The following RAB3GAP2 variants were observed in gnomAD, a reference collection of about 807,000 sequenced individuals.
RAB3GAP2 encodes the protein rab3 GTPase-activating protein non-catalytic subunit.
Under a neutral mutation model 185.3 loss-of-function variants are expected in RAB3GAP2, and 87 were observed. The observed-to-expected ratio is 0.47, with a 90% CI of 0.39 to 0.56. The LOEUF (loss-of-function observed/expected upper bound fraction) is 0.56, where lower values mean the gene tolerates loss of function less well. Ranked by LOEUF, RAB3GAP2 falls within the 20% of genes least tolerant of loss-of-function variation. The probability of loss-of-function intolerance (pLI) is 0.00; values close to 1 mark genes in which losing one functional copy is unlikely to be tolerated. For synonymous variants in RAB3GAP2, 554 were observed against 576.1 expected (o/e 0.96, Z 0.55); for missense variants, 1,492 against 1,638.2 (o/e 0.91, Z 1.54).
chr1:220,266,680 A>C, intron 1 of RAB3GAP2: 1 of 1,547,776 alleles, frequency 6.5e-7, no homozygotes, highest in Non-Finnish European at 8.9e-7. Flanking sequence ...CCCTGGCTCA[A>C]GGATTTCTCC....
rs1658088089 is a variant in RAB3GAP2 at position 220,167,347 on chromosome 1, G to A, written c.3033C>T (p.Val1011=). The A allele has an allele frequency of 1.9e-6, 3 of 1,614,068 alleles. No individual in the cohort carries two copies. Among genetic ancestry groups the A allele is most frequent in the East Asian group, 2.2e-5 (1 of 44,896 alleles). The change falls in exon 26 of 35, where the codon GTC becomes GTT. Residue 1011 remains valine, a synonymous_variant. Coordinates refer to ENST00000358951, the MANE Select transcript of RAB3GAP2 (RefSeq NM_012414.4). ...ACTCCCAGCAGCAATGTGCATGCAAGACATCGAGCTCAAGGCTACAAGGAA... is the reference window on the plus strand; with the variant it reads ...ACTCCCAGCAGCAATGTGCATGCAAAACATCGAGCTCAAGGCTACAAGGAA... ...EQFPCSLELD[V]LHAHCCWEYV... is the part of the protein sequence containing the mutation.
chr1:220,253,746 G>A (rs2102525397), intron 1 of RAB3GAP2: 7 of 1,611,748 alleles, frequency 4.3e-6, no homozygotes, highest in Non-Finnish European at 5.1e-6. Context: ...GGGTTCCGGA[G>A]AGCAGAGTAC....
chr1:220,245,551 A>G (rs546969103), intron 1 of RAB3GAP2, among the ~76,000 whole-genome samples: 3,046 of 152,254 alleles, frequency 0.02, 102 homozygotes, highest in African/African-American at 0.07. Context: ...CTAGCACAGC[A>G]GTCTGAGATC....
intron 21 of RAB3GAP2, among the ~76,000 whole-genome samples, chr1:220,179,074 A>G (rs1279847070): frequency 6.6e-6 from 1 of 152,132 alleles, no homozygotes; most frequent in African/African-American, 2.4e-5. Flanking sequence ...ACCAAAAAAG[A>G]GCAGGAGAAG....
At position 220,202,208 on chromosome 1, in the gene RAB3GAP2, T is replaced by C. The variant is rs546606748; in HGVS notation, c.811+68A>G. ...ATAAAGAATAAATGCCCATTTCTAA[T>C]AAATGAGATACTTCAATAAAAAGTG... On this transcript the variant is annotated intron_variant, in intron 9 of 34. Transcript: ENST00000358951. 5 of 1,501,580 alleles carry C rather than the reference T, an allele frequency of 3.3e-6. No individual in the cohort carries two copies. The African/African-American group carries it at 5.6e-5, about 17-fold the overall frequency. The allele number at this position is 1,501,580 out of a possible 1,614,324, so 93.0% of individuals were successfully genotyped here.
chr1:220,170,619 T>C (rs961759416), intron 24 of RAB3GAP2, among the ~76,000 whole-genome samples: 9 of 151,974 alleles, frequency 5.9e-5, no homozygotes, highest in African/African-American at 2.2e-4. Flanking sequence ...GACATGTAGG[T>C]GAAAAAAGGA....
At chr1:220,206,069 A>G (rs1482379802) in intron 7 of RAB3GAP2, 63 bp from the exon 8 acceptor site, 4 of 1,061,160 alleles carry the variant, frequency 3.8e-6, no homozygotes, top group Non-Finnish European at 5.6e-6. Context: ...ACTTTTTATT[A>G]TACTGAATTT....
intron 2 of RAB3GAP2, among the ~76,000 whole-genome samples, chr1:220,232,454 C>T (rs1406777252): frequency 2.0e-5 from 3 of 152,192 alleles, no homozygotes; most frequent in African/African-American, 7.2e-5. Flanking sequence ...GGTCCTATCA[C>T]CTTCACCGTA....
intron 2 of RAB3GAP2, among the ~76,000 whole-genome samples, chr1:220,227,259 G>A (rs1023569908): frequency 5.3e-5 from 8 of 152,024 alleles, no homozygotes; most frequent in Non-Finnish European, 1.0e-4. Context: ...AGTTGGCTAC[G>A]GCCGATAGTG....
chr1:220,210,495 AG>A lies in RAB3GAP2; in HGVS notation c.511-7del. On this transcript the variant is annotated splice_region_variant and splice_polypyrimidine_tract_variant and intron_variant, in intron 6 of 34. Transcript: ENST00000358951. ...GCAAGCAAGAGCACACCATTCTAGG[AG>A]GAAGCACAGAGAAGGGCCCTGCTTG... 6.2e-7 allele frequency: 1 copy of A among 1,608,386 alleles called. No homozygotes were observed. The highest frequency in any genetic ancestry group is 8.5e-7 in the Non-Finnish European group (1 of 1,174,738).
intron 1 of RAB3GAP2, among the ~76,000 whole-genome samples, chr1:220,234,826 AGG>A (rs1001043329): frequency 2.0e-5 from 3 of 152,230 alleles, no homozygotes; most frequent in African/African-American, 7.2e-5. Flanking sequence ...GTAGCTAGAA[AGG>A]CTAGGGGAAA....
intron 21 of RAB3GAP2, among the ~76,000 whole-genome samples, chr1:220,179,244 C>CAA (rs71169437): frequency 0.07 from 3,903 of 55,886 alleles, 281 homozygotes; most frequent in Middle Eastern, 0.12. Context: ...GAGACTGTCT[C>CAA]AAAAAAAAAA....
chr1:220,189,516 T>A (rs1571890469), intron 17 of RAB3GAP2, among the ~76,000 whole-genome samples, 187 bp downstream of exon 17: 1 of 2,532 alleles, frequency 3.9e-4, no homozygotes, highest in Non-Finnish European at 1.1e-3. Context: ...TGAATATTAA[T>A]TTTTTTTTTT....
chr1:220,170,985 T>C lies in RAB3GAP2; in HGVS notation c.2713A>G (p.Ser905Gly). ...TTGGAGGTCTGAGTGTTCCCTTTGC[T>C]GTGAAGCAGAGTCTGAAGTATGAGA... ...DCLILQTLLH[S>G]KGNTQTSKVS... The change falls in exon 24 of 35, where the codon AGC becomes GGC. Residue 905 changes from serine to glycine, a missense_variant. By Grantham distance (56) the Ser-to-Gly change is moderately conservative (BLOSUM62 0). Coordinates refer to ENST00000358951, the MANE Select transcript of RAB3GAP2 (RefSeq NM_012414.4). The C allele has an allele frequency of 2.5e-6, 4 of 1,614,194 alleles. No individual in the cohort carries two copies. In the South Asian group the frequency reaches 4.4e-5, roughly 18 times the overall value.
intron 14 of RAB3GAP2, 105 bp from the exon 15 acceptor site, chr1:220,190,625 A>G: frequency 8.5e-7 from 1 of 1,183,408 alleles, no homozygotes; most frequent in Non-Finnish European, 1.2e-6. Flanking sequence ...TCAATTTAGG[A>G]GCATTAATAA....
intron 1 of RAB3GAP2, chr1:220,266,214 T>C (rs566524585): frequency 1.6e-3 from 284 of 183,028 alleles, no homozygotes; most frequent in African/African-American, 4.9e-3. Context: ...TACTTTTTTT[T>C]CTGTACAAAT....
At chr1:220,173,615 G>A (rs1321678708) in intron 21 of RAB3GAP2, among the ~76,000 whole-genome samples, 2 of 152,194 alleles carry the variant, frequency 1.3e-5, no homozygotes, top group African/African-American at 2.4e-5. Context: ...TGATAAGTAC[G>A]TGACATGCAC....
rs74139292 is a variant in RAB3GAP2 at position 220,196,272 on chromosome 1, G to A, written c.938C>T (p.Thr313Ile). Residue 313 changes from threonine to isoleucine, a missense_variant, in exon 10 of 35, where the codon ACT (threonine) becomes ATT (isoleucine). This residue lies in a region of RAB3GAP2 where 243 missense variants were observed against 314.8 expected (regional missense o/e 0.77). Transcript: ENST00000358951. ...QYITVGSNPFTGFFYALEGST... is the reference protein window; with the variant it reads ...QYITVGSNPFIGFFYALEGST... ...TACCTCTAAAGCATAGAAGAAGCCAGTAAATGGATTGGACCCTACAGTGAT... is the reference window on the plus strand; with the variant it reads ...TACCTCTAAAGCATAGAAGAAGCCAATAAATGGATTGGACCCTACAGTGAT... 253 of 1,613,422 alleles carry A rather than the reference G, an allele frequency of 1.6e-4. No individual in the cohort carries two copies. The African/African-American group carries it at 3.2e-3, about 20-fold the overall frequency.
chr1:220,210,020 AT>A (rs960580080), intron 7 of RAB3GAP2, among the ~76,000 whole-genome samples: 2 of 152,046 alleles, frequency 1.3e-5, no homozygotes, highest in African/African-American at 4.8e-5. Flanking sequence ...ACAAGGCCAA[AT>A]TTTTTTTCTT....
Sources: gnomAD v4.1 joint callset for allele counts (sites outside exome capture counted in the v4.1 genomes callset) on GRCh38, gnomAD v4.1.1 for gene constraint, gnomAD v4.1.1 regional missense constraint, MANE v1.5 for transcripts, NCBI Gene and HGNC (gene_info 2026-07-23, HGNC 2026-07-21) for gene names.